Variants in DIPK1A observed in about 807,000 individuals in gnomAD.
DIPK1A encodes divergent protein kinase domain 1A.
Under a neutral mutation model 40.8 loss-of-function variants are expected in DIPK1A, and 27 were observed. The ratio of observed to expected loss-of-function variants is 0.66; its 90% confidence interval spans 0.49 to 0.91. DIPK1A has a LOEUF of 0.91. DIPK1A is among the 40% of genes least tolerant of loss of function. The pLI is 0.00. For missense variants in DIPK1A, 412 were observed against 505.7 expected, an observed-to-expected ratio of 0.81 and a Z score of 1.78; for synonymous variants, 166 against 171.3, an observed-to-expected ratio of 0.97 and a Z score of 0.24.
At chr1:92,886,310 G>A (rs1571090991) in intron 1 of DIPK1A, among the ~76,000 whole-genome samples, 2 of 151,832 alleles carry the variant, frequency 1.3e-5, no homozygotes, top group African/African-American at 4.8e-5. Flanking sequence ...CAGCTTGGGC[G>A]ACAGAGCATG....
intron 1 of DIPK1A, among the ~76,000 whole-genome samples, chr1:92,881,419 G>A (rs1379846290): frequency 6.7e-6 from 1 of 149,300 alleles, no homozygotes; most frequent in African/African-American, 2.5e-5. Flanking sequence ...AGGATTTATA[G>A]AAAGAATCTG....
exon 5 of DIPK1A, chr1:92,832,785 G>A: frequency 1.9e-6 from 1 of 534,260 alleles, no homozygotes; most frequent in Non-Finnish European, 3.3e-6. Flanking sequence ...TGCTTTAGCT[G>A]ATGGGGAACA....
chr1:92,954,705 G>A (rs1158536933), intron 1 of DIPK1A, among the ~76,000 whole-genome samples: 2 of 152,014 alleles, frequency 1.3e-5, no homozygotes, highest in East Asian at 1.9e-4. Context: ...ATCAGACAAT[G>A]TAAAATGATG....
At chr1:92,931,729 T>G in intron 1 of DIPK1A, 1 of 165,880 alleles carries the variant, frequency 6.0e-6, no homozygotes, top group South Asian at 1.5e-4. Context: ...CAAGTAAAAT[T>G]CTTCATGCAA....
intron 1 of DIPK1A, among the ~76,000 whole-genome samples, chr1:92,878,626 C>G (rs931151178): frequency 6.6e-6 from 1 of 152,130 alleles, no homozygotes; most frequent in Non-Finnish European, 1.5e-5. Context: ...CGAGACCATC[C>G]TGGCTAACAC....
At chr1:92,928,262 A>C in intron 1 of DIPK1A, among the ~76,000 whole-genome samples, 1 of 152,220 alleles carries the variant, frequency 6.6e-6, no homozygotes, top group Non-Finnish European at 1.5e-5. Context: ...TAACTAATAC[A>C]ATCTACTTAG....
Position 92,843,265 on chromosome 1 carries a change from G to C in DIPK1A, c.*118C>G, listed in dbSNP as rs914266729. On this transcript the variant is annotated 3_prime_UTR_variant, in exon 5 of 5. Coordinates refer to ENST00000370310, the MANE Select transcript of DIPK1A (RefSeq NM_001006605.5). ...TGATCACATACTGATGGCTTCTCAG[G>C]CCTGGGGGGAAGGAGTTTTGTGTAA... The C allele has an allele frequency of 6.9e-7, 1 of 1,450,310 alleles. No homozygotes were observed. Among genetic ancestry groups the C allele is most frequent in the African/African-American group, 1.4e-5 (1 of 69,636 alleles). The allele number at this position is 1,450,310 out of a possible 1,614,324, so 89.8% of individuals were successfully genotyped here.
intron 1 of DIPK1A, among the ~76,000 whole-genome samples, chr1:92,947,221 A>C (rs1246502900): frequency 6.6e-6 from 1 of 152,202 alleles, no homozygotes; most frequent in East Asian, 1.9e-4. Flanking sequence ...ATACATCAAA[A>C]TACAGAAAAT....
downstream of DIPK1A, chr1:92,837,405 G>A (rs1687172918): frequency 6.7e-7 from 1 of 1,501,290 alleles, no homozygotes; most frequent in African/African-American, 1.4e-5. Flanking sequence ...ATTCTTACTA[G>A]TAAACTAAGT....
chr1:92,928,678 G>C (rs1650615804), intron 1 of DIPK1A, among the ~76,000 whole-genome samples: 1 of 152,066 alleles, frequency 6.6e-6, no homozygotes, highest in African/African-American at 2.4e-5. Context: ...TGAAATTCTA[G>C]AGGCTGGGTA....
At chr1:92,954,307 A>AAAATAAAT (rs1553136010) in intron 1 of DIPK1A, among the ~76,000 whole-genome samples, 1 of 147,706 alleles carries the variant, frequency 6.8e-6, no homozygotes, top group African/African-American at 2.5e-5. Flanking sequence ...CACAAAAAAA[A>AAAATAAAT]AAATAAATAA....
At chr1:92,859,266 C>T (rs895527747) in intron 2 of DIPK1A, among the ~76,000 whole-genome samples, 2 of 152,162 alleles carry the variant, frequency 1.3e-5, no homozygotes, top group Admixed American at 1.3e-4. Context: ...GCCTGAAAAT[C>T]TTCCACGTCT....
intron 3 of DIPK1A, among the ~76,000 whole-genome samples, chr1:92,847,745 T>C (rs767702255): frequency 6.6e-6 from 1 of 152,170 alleles, no homozygotes; most frequent in Non-Finnish European, 1.5e-5. Context: ...GGTCTACTAA[T>C]TTATTTTAGA....
chr1:92,833,471 T>G, intron 4 of DIPK1A: 4 of 1,613,852 alleles, frequency 2.5e-6, no homozygotes, highest in Non-Finnish European at 3.4e-6. Context: ...ACTGTCACCT[T>G]TTTGTGTTTA....
rs758679883 is a variant in DIPK1A at position 92,843,824 on chromosome 1, A to G, written c.846T>C (p.Val282=). ...AIGLLEFVED[V]FHGPYGNFLM... ...GGAAATTTCCGTAGGGGCCATGGAA[A>G]ACATCTTCCACAAATTCTAGAAGTC... is the stretch of plus-strand genomic sequence containing the variant. Residue 282 remains valine, a synonymous_variant, in exon 5 of 5, where the codon GTT becomes GTC. Coordinates refer to ENST00000370310, the MANE Select transcript of DIPK1A (RefSeq NM_001006605.5). The G allele has an allele frequency of 1.9e-6, 3 of 1,551,874 alleles. No individual in the cohort carries two copies. The highest frequency in any genetic ancestry group is 1.2e-5 in the South Asian group (1 of 84,060).
intron 1 of DIPK1A, among the ~76,000 whole-genome samples, chr1:92,891,390 AT>A (rs567175829): frequency 1.2e-3 from 180 of 151,714 alleles, no homozygotes; most frequent in Middle Eastern, 3.4e-3. Context: ...TTGTTAATTC[AT>A]TTATTTAAAA....
chr1:92,842,326 G>A lies in DIPK1A; in HGVS notation c.*1057C>T, dbSNP rs1687400254. 1.0e-6 allele frequency: 1 copy of A among 986,064 alleles called. No individual in the cohort carries two copies. The allele number at this position is 986,064 out of a possible 1,614,324, so 61.1% of individuals were successfully genotyped here. ...TTAACATGTTCCACTTTAGGTAGGC[G>A]AAACCTTTGAGCAGAAAATAGTGGT... On this transcript the variant is annotated 3_prime_UTR_variant, in exon 5 of 5. Transcript: ENST00000370310.
chr1:92,833,693 A>G, intron 4 of DIPK1A: 1 of 1,543,826 alleles, frequency 6.5e-7, no homozygotes, highest in Non-Finnish European at 8.9e-7. Flanking sequence ...CCCTTTTTTT[A>G]TTGCTAGAGA....
intron 1 of DIPK1A, among the ~76,000 whole-genome samples, chr1:92,879,562 C>T (rs1342143277): frequency 1.3e-5 from 2 of 152,130 alleles, no homozygotes; most frequent in Non-Finnish European, 2.9e-5. Flanking sequence ...CTGTTGTAGA[C>T]AAAATGATAA....
Sources: gnomAD v4.1 joint callset for allele counts (sites outside exome capture counted in the v4.1 genomes callset) on GRCh38, gnomAD v4.1.1 for gene constraint, MANE v1.5 for transcripts, NCBI Gene and HGNC (gene_info 2026-07-23, HGNC 2026-07-21) for gene names.